Variants in TAFA1 observed in about 807,000 individuals in gnomAD.
TAFA1 encodes TAFA chemokine like family member 1, also known as chemokine-like protein TAFA-1.
Under a neutral mutation model 18.5 loss-of-function variants are expected in TAFA1, and 4 were observed. The ratio of observed to expected loss-of-function variants is 0.22; its 90% confidence interval spans 0.11 to 0.49. The LOEUF is 0.49. Ranked by LOEUF, TAFA1 falls within the 20% of genes least tolerant of loss-of-function variation. TAFA1 has a pLI of 0.98. For synonymous variants in TAFA1, 56 were observed against 55.2 expected (o/e 1.01, Z -0.06); for missense variants, 147 against 169.0 (o/e 0.87, Z 0.72).
chr3:68,094,023 A>G (rs939536479), intron 2 of TAFA1, among the ~76,000 whole-genome samples: 11 of 152,160 alleles, frequency 7.2e-5, no homozygotes, highest in Non-Finnish European at 1.5e-4. Context: ...TGGACTCAAA[A>G]TAAATCTAAT....
chr3:68,388,320 T>C (rs1386909718), intron 2 of TAFA1, among the ~76,000 whole-genome samples: 1 of 152,284 alleles, frequency 6.6e-6, no homozygotes, highest in African/African-American at 2.4e-5. Flanking sequence ...TTATTTGCTT[T>C]AGGTAACAAA....
intron 2 of TAFA1, among the ~76,000 whole-genome samples, chr3:68,264,984 G>C (rs1032180174): frequency 3.3e-5 from 5 of 152,018 alleles, no homozygotes; most frequent in African/African-American, 1.2e-4. Flanking sequence ...TCTCCATATA[G>C]AATTCTCATA....
At chr3:68,089,811 T>A (rs1441053802) in intron 2 of TAFA1, among the ~76,000 whole-genome samples, 2 of 152,166 alleles carry the variant, frequency 1.3e-5, no homozygotes, top group Admixed American at 6.5e-5. Context: ...CTGGGCTAGG[T>A]CTTGTTAGGA....
chr3:68,353,055 A>G (rs2069298366), intron 2 of TAFA1, among the ~76,000 whole-genome samples: 1 of 152,102 alleles, frequency 6.6e-6, no homozygotes, highest in Admixed American at 6.6e-5. Flanking sequence ...GGGCCTTTTA[A>G]CAAATGAGAT....
At chr3:68,503,141 G>A (rs893364058) in intron 3 of TAFA1, among the ~76,000 whole-genome samples, 1 of 152,120 alleles carries the variant, frequency 6.6e-6, no homozygotes, top group African/African-American at 2.4e-5. Flanking sequence ...CAAGTCAAGT[G>A]AGTCGAAATG....
chr3:68,454,359 A>T (rs1182728964), intron 3 of TAFA1, among the ~76,000 whole-genome samples: 3 of 152,098 alleles, frequency 2.0e-5, no homozygotes, highest in Non-Finnish European at 4.4e-5. Context: ...AGCCTATCAC[A>T]TCCCAGCTGG....
chr3:68,536,264 A>G (rs2073277162), intron 3 of TAFA1, among the ~76,000 whole-genome samples: 1 of 152,222 alleles, frequency 6.6e-6, no homozygotes, highest in African/African-American at 2.4e-5. Context: ...CTTTTAAGTC[A>G]GCAATCTCAT....
intron 3 of TAFA1, among the ~76,000 whole-genome samples, chr3:68,522,348 A>G (rs2073041094): frequency 6.6e-6 from 1 of 152,102 alleles, no homozygotes; most frequent in Non-Finnish European, 1.5e-5. Flanking sequence ...AAAAGTCTCT[A>G]CTCGATGGGC....
At chr3:68,071,145 G>A (rs1295322413) in intron 2 of TAFA1, among the ~76,000 whole-genome samples, 3 of 152,236 alleles carry the variant, frequency 2.0e-5, no homozygotes, top group Non-Finnish European at 4.4e-5. Flanking sequence ...CCGAGACTGA[G>A]TAATTTATAC....
At chr3:68,150,581 C>T (rs2065794802) in intron 2 of TAFA1, among the ~76,000 whole-genome samples, 1 of 152,048 alleles carries the variant, frequency 6.6e-6, no homozygotes, top group Non-Finnish European at 1.5e-5. Context: ...TGGGTTCTTG[C>T]TGCTTCACCA....
intron 2 of TAFA1, among the ~76,000 whole-genome samples, chr3:68,098,756 A>G (rs2065115380): frequency 2.6e-5 from 4 of 152,198 alleles, no homozygotes; most frequent in Admixed American, 2.6e-4. Flanking sequence ...TTCAAACTAT[A>G]CTACAATGTT....
intron 2 of TAFA1, among the ~76,000 whole-genome samples, chr3:68,413,733 T>C (rs930108427): frequency 2.6e-5 from 4 of 152,014 alleles, no homozygotes; most frequent in Non-Finnish European, 4.4e-5. Flanking sequence ...GTTTGAAAGT[T>C]ACAGGTGTTG....
intron 3 of TAFA1, among the ~76,000 whole-genome samples, chr3:68,437,604 G>T (rs975952298): frequency 6.6e-6 from 1 of 151,858 alleles, no homozygotes; most frequent in African/African-American, 2.4e-5. Flanking sequence ...TTCTTATAAA[G>T]CCACCAGTTT....
chr3:68,034,891 T>C (rs896586517), intron 2 of TAFA1, among the ~76,000 whole-genome samples: 14 of 152,164 alleles, frequency 9.2e-5, no homozygotes, highest in Non-Finnish European at 2.9e-5. Context: ...TATTATCTAT[T>C]GATTATTGGT....
intron 3 of TAFA1, among the ~76,000 whole-genome samples, chr3:68,502,132 T>C (rs1189152598): frequency 1.3e-5 from 2 of 152,186 alleles, no homozygotes; most frequent in Non-Finnish European, 1.5e-5. Context: ...CTTTTTATAA[T>C]ACTATTTTTG....
intron 2 of TAFA1, among the ~76,000 whole-genome samples, chr3:68,037,765 T>C (rs1045921706): frequency 2.0e-5 from 3 of 152,226 alleles, no homozygotes; most frequent in African/African-American, 7.2e-5. Flanking sequence ...AGAGAAGGTC[T>C]CTGGCAAGAT....
chr3:68,038,694 A>G lies in TAFA1; in HGVS notation c.118+31950A>G, dbSNP rs1575586537. 2.6e-5 allele frequency among the ~76,000 whole-genome samples: 4 copies of G among 152,316 alleles called. No individual in the cohort carries two copies. In the South Asian group the frequency reaches 6.2e-4, roughly 24 times the overall value. On this transcript the variant is annotated intron_variant, in intron 2 of 4. Coordinates refer to ENST00000478136, the MANE Select transcript of TAFA1 (RefSeq NM_213609.4). The stretch of plus-strand genomic sequence containing the variant: ...AAAAAAAAAAAACTTTAAAAAAACT[A>G]TGCAGGGGTCAATACTCGTCAGAAA...
intron 2 of TAFA1, among the ~76,000 whole-genome samples, chr3:68,206,834 GT>G (rs1351835500): frequency 1.3e-5 from 2 of 151,886 alleles, no homozygotes; most frequent in Admixed American, 1.3e-4. Context: ...TGCATGCCCA[GT>G]TACCCTAGCC....
intron 2 of TAFA1, among the ~76,000 whole-genome samples, chr3:68,382,835 A>T (rs2070003556): frequency 6.6e-6 from 1 of 152,176 alleles, no homozygotes; most frequent in Admixed American, 6.6e-5. Flanking sequence ...CTTCCTATAC[A>T]AGAGTATGGA....
Sources: allele counts gnomAD v4.1 joint callset (sites outside exome capture counted in the v4.1 genomes callset), GRCh38; gene constraint gnomAD v4.1.1; transcripts MANE v1.5; gene names NCBI Gene and HGNC (gene_info 2026-07-23, HGNC 2026-07-21).